The following COP1 variants were observed in gnomAD, a reference collection of about 807,000 sequenced individuals.
COP1 encodes E3 ubiquitin-protein ligase COP1.
COP1 carries 24 observed loss-of-function variants against 101.3 expected under a neutral mutation model. The ratio of observed to expected loss-of-function variants is 0.24; its 90% CI spans 0.17 to 0.33. The LOEUF (loss-of-function observed/expected upper bound fraction) is 0.33. COP1 is among the 10% of genes least tolerant of loss of function. The probability of loss-of-function intolerance (pLI) is 1.00; values close to 1 mark genes in which losing one functional copy is unlikely to be tolerated. For missense variants in COP1, 663 were observed against 906.2 expected, an observed-to-expected ratio of 0.73 and a Z score of 3.45; for synonymous variants, 347 against 341.9, an observed-to-expected ratio of 1.01 and a Z score of -0.17.
intron 3 of COP1, among the ~76,000 whole-genome samples, chr1:176,174,932 G>A (rs1446892110): frequency 1.3e-5 from 2 of 152,074 alleles, no homozygotes; most frequent in Non-Finnish European, 2.9e-5. Context: ...TTAACATGCA[G>A]AATTTTTCTG....
At chr1:176,025,628 C>T (rs966341251) in intron 15 of COP1, among the ~76,000 whole-genome samples, 2 of 151,926 alleles carry the variant, frequency 1.3e-5, no homozygotes, top group Non-Finnish European at 2.9e-5. Context: ...ATAGCCAGGG[C>T]GCAGTGATCC....
chr1:176,182,403 G>A (rs1697911180), intron 2 of COP1, among the ~76,000 whole-genome samples: 1 of 152,098 alleles, frequency 6.6e-6, no homozygotes, highest in Admixed American at 6.5e-5. Context: ...ACTTCTCAAG[G>A]GAGGAAAATT....
intron 6 of COP1, among the ~76,000 whole-genome samples, chr1:176,141,939 G>T (rs1263311142): frequency 6.6e-6 from 1 of 151,774 alleles, no homozygotes; most frequent in Non-Finnish European, 1.5e-5. Context: ...TCACTATATT[G>T]TCCAGGCTGG....
chr1:175,948,971 T>C (rs1649513122), intron 18 of COP1, among the ~76,000 whole-genome samples: 1 of 151,672 alleles, frequency 6.6e-6, no homozygotes, highest in African/African-American at 2.4e-5. Flanking sequence ...GAGACCATCC[T>C]GGCTAATATG....
At chr1:175,952,968 A>G (rs1650136349) in intron 18 of COP1, among the ~76,000 whole-genome samples, 1 of 152,192 alleles carries the variant, frequency 6.6e-6, no homozygotes, top group Non-Finnish European at 1.5e-5. Context: ...AGGTAGATAA[A>G]TATAAAAGAT....
intron 3 of COP1, among the ~76,000 whole-genome samples, chr1:176,164,775 C>T (rs1008275471): frequency 1.3e-4 from 20 of 152,130 alleles, no homozygotes; most frequent in African/African-American, 4.3e-4. Context: ...TAATGTTTAA[C>T]CACTTTAAAT....
At chr1:176,038,489 T>C (rs1344364260) in intron 14 of COP1, among the ~76,000 whole-genome samples, 2 of 152,152 alleles carry the variant, frequency 1.3e-5, no homozygotes, top group East Asian at 3.9e-4. Flanking sequence ...TTCAGACTTA[T>C]TACAAGCTAC....
intron 14 of COP1, among the ~76,000 whole-genome samples, chr1:176,035,710 C>CAAAAAAAAAAAAAAAAAAAAAA (rs71129541): frequency 4.1e-5 from 3 of 73,112 alleles, no homozygotes; most frequent in African/African-American, 1.4e-4. Flanking sequence ...AAAACGAGAC[C>CAAAAAAAAAAAAAAAAAAAAAA]AAAAAAAAAA....
chr1:176,195,157 GGAAAGAGGA>G (rs1394118865), intron 1 of COP1, among the ~76,000 whole-genome samples: 11 of 143,914 alleles, frequency 7.6e-5, no homozygotes, highest in African/African-American at 2.8e-4. Flanking sequence ...GAGAAGAGAG[GGAAAGAGGA>G]AGGGAGGGAG....
At chr1:176,063,047 G>GTTTTTTTTTTTTTTTTTT in intron 11 of COP1, among the ~76,000 whole-genome samples, 1 of 90,590 alleles carries the variant, frequency 1.1e-5, no homozygotes, top group Non-Finnish European at 2.0e-5. Flanking sequence ...TTTTGAAAAT[G>GTTTTTTTTTTTTTTTTTT]TTTTTTTTTT....
At chr1:176,100,662 G>A (rs921180232) in intron 9 of COP1, among the ~76,000 whole-genome samples, 3 of 152,098 alleles carry the variant, frequency 2.0e-5, no homozygotes, top group South Asian at 2.1e-4. Flanking sequence ...CCCGTCACTC[G>A]GAGGTTTCCT....
intron 14 of COP1, among the ~76,000 whole-genome samples, chr1:176,032,096 T>C (rs1336235830): frequency 6.6e-6 from 1 of 152,164 alleles, no homozygotes; most frequent in Non-Finnish European, 1.5e-5. Flanking sequence ...TTTGACACAG[T>C]AAAACAGCCC....
chr1:176,137,547 CTTAT>C (rs1160293008), intron 6 of COP1, among the ~76,000 whole-genome samples: 1 of 152,058 alleles, frequency 6.6e-6, no homozygotes, highest in Non-Finnish European at 1.5e-5. Flanking sequence ...ACAACTAATA[CTTAT>C]ATATTACTGA....
rs1232699284 is a variant in COP1 at position 175,969,686 on chromosome 1, T to C, written c.2133+17257A>G. ...TGTCACGTAAAACTTCTATGTCATG[T>C]AAAACTTACAGAGGTCTCCGTCATG... On this transcript the variant is annotated intron_variant, in intron 18 of 19. Coordinates refer to ENST00000367669, the MANE Select transcript of COP1 (RefSeq NM_022457.7). Among the ~76,000 whole-genome samples the C allele has an allele frequency of 2.0e-5, 3 of 152,224 alleles. No homozygotes were observed. The East Asian group carries it at 5.8e-4, about 29-fold the overall frequency.
chr1:176,008,456 T>C (rs561081541), intron 15 of COP1, among the ~76,000 whole-genome samples: 109 of 152,328 alleles, frequency 7.2e-4, no homozygotes, highest in Middle Eastern at 3.4e-3. Flanking sequence ...ACAACAGAAT[T>C]ATTTGTTTTT....
intron 11 of COP1, among the ~76,000 whole-genome samples, chr1:176,077,481 A>C (rs1558059007): frequency 1.3e-5 from 2 of 152,204 alleles, no homozygotes; most frequent in African/African-American, 4.8e-5. Context: ...TTAACAGACT[A>C]GGAATCAAAA....
intron 11 of COP1, among the ~76,000 whole-genome samples, chr1:176,077,054 C>A (rs1168745049): frequency 1.3e-5 from 2 of 152,104 alleles, no homozygotes; most frequent in Non-Finnish European, 2.9e-5. Flanking sequence ...AATAGAGGTA[C>A]AAAGAATTGA....
At chr1:176,028,511 G>A (rs1442057595) in intron 14 of COP1, among the ~76,000 whole-genome samples, 6 of 146,806 alleles carry the variant, frequency 4.1e-5, no homozygotes, top group African/African-American at 1.3e-4. Context: ...GTTGCAGTGA[G>A]CTGAGATCAT....
chr1:176,037,952 CA>C (rs1669865767), intron 14 of COP1, among the ~76,000 whole-genome samples: 1 of 151,964 alleles, frequency 6.6e-6, no homozygotes, highest in Non-Finnish European at 1.5e-5. Flanking sequence ...AAAAGCAAGG[CA>C]GGAACGGGAA....
Sources: allele counts gnomAD v4.1 joint callset (sites outside exome capture counted in the v4.1 genomes callset), GRCh38; gene constraint gnomAD v4.1.1; transcripts MANE v1.5; gene names NCBI Gene and HGNC (gene_info 2026-07-23, HGNC 2026-07-21).